The following SLC45A1 variants were observed in gnomAD, a reference collection of about 807,000 sequenced individuals.
The protein encoded by SLC45A1 is proton-associated sugar transporter A.
In SLC45A1, 28 loss-of-function variants were observed where a neutral mutation model predicts 57.6. The ratio of observed to expected loss-of-function variants is 0.49; its 90% CI spans 0.36 to 0.67. The LOEUF (loss-of-function observed/expected upper bound fraction) is 0.67, where lower values mean the gene tolerates loss of function less well. SLC45A1 is among the 30% of genes least tolerant of loss of function. The pLI is 0.00. For synonymous variants in SLC45A1, 459 were observed against 471.5 expected (o/e 0.97, Z 0.34); for missense variants, 814 against 1,041.5 (o/e 0.78, Z 3.01).
In SLC45A1 at chr1:8,330,794, T is replaced by C; in HGVS notation, c.1301T>C (p.Ile434Thr). The C allele has an allele frequency of 6.2e-7, 1 of 1,613,450 alleles. No individual in the cohort carries two copies. The highest frequency in any genetic ancestry group is 1.1e-5 in the South Asian group (1 of 91,082). Residue 434 changes from isoleucine to threonine, a missense_variant, in exon 5 of 9, where the codon ATT (isoleucine) becomes ACT (threonine). By Grantham distance (89) the Ile-to-Thr change is moderately conservative. Transcript: ENST00000471889. The surrounding 1 kb of genome is among the most constrained non-coding windows in gnomAD (Gnocchi z 8.4). ...CTGACCTCCGGCTGTGACGGGGACA[T>C]TCTGAGGGTGGGCTCCTTGGACACC... ...GALTSGCDGD[I>T]LRVGSLDTSK... is the part of the protein sequence containing the mutation.
intron 6 of SLC45A1, 33 bp from the exon 7 acceptor site, chr1:8,337,783 C>T (rs1211931755): frequency 6.3e-7 from 1 of 1,599,402 alleles, no homozygotes; most frequent in Non-Finnish European, 8.5e-7. Context: ...TGGCCTTTGC[C>T]CCCGAGGTCA....
intron 5 of SLC45A1, among the ~76,000 whole-genome samples, chr1:8,332,892 G>A (rs376360993): frequency 2.6e-5 from 4 of 152,180 alleles, no homozygotes; most frequent in East Asian, 3.9e-4. Flanking sequence ...ACCTGTGGGC[G>A]TTGCAGGAGG....
intron 7 of SLC45A1, among the ~76,000 whole-genome samples, chr1:8,339,218 C>A (rs746285951): frequency 6.6e-6 from 1 of 152,208 alleles, no homozygotes; most frequent in African/African-American, 2.4e-5. Context: ...CCTGCAGAAG[C>A]CCTGGGGGAC....
At chr1:8,334,423 C>G (rs1426544538) in intron 5 of SLC45A1, among the ~76,000 whole-genome samples, 1 of 152,154 alleles carries the variant, frequency 6.6e-6, no homozygotes, top group Non-Finnish European at 1.5e-5. Flanking sequence ...GCAGCAACGC[C>G]TCTTTGCTCT....
chr1:8,324,964 G>T (rs766771830), intron 2 of SLC45A1, among the ~76,000 whole-genome samples: 2 of 152,204 alleles, frequency 1.3e-5, no homozygotes, highest in Non-Finnish European at 2.9e-5. Context: ...ACCGTCTGAT[G>T]CCAGGCTCTC....
chr1:8,323,296 T>G (rs968626639), intron 1 of SLC45A1, among the ~76,000 whole-genome samples: 1 of 151,948 alleles, frequency 6.6e-6, no homozygotes. Flanking sequence ...ATAGAGACCA[T>G]CCTGGCCAAC....
chr1:8,322,202 G>T (rs1640042436), intron 1 of SLC45A1, among the ~76,000 whole-genome samples: 1 of 147,650 alleles, frequency 6.8e-6, no homozygotes, highest in Non-Finnish European at 1.5e-5. Flanking sequence ...TGGATGAGTG[G>T]GTGGATGGAT....
At position 8,333,857 on chromosome 1, in the gene SLC45A1, C is replaced by A. The variant is rs138422114; in HGVS notation, c.1444-1580C>A. Among the ~76,000 whole-genome samples, 3 of 152,348 alleles carry A rather than the reference C, an allele frequency of 2.0e-5. No individual in the cohort carries two copies. In the South Asian group the frequency reaches 6.2e-4, roughly 32 times the overall value. On this transcript the variant is annotated intron_variant, in intron 5 of 8. Transcript: ENST00000471889. ...TGAGGAAGGACACTGCCCAGGCATG[C>A]GCAGGCCTCACAGGGACATCTGTTG...
intron 5 of SLC45A1, 68 bp downstream of exon 5, chr1:8,331,004 T>A (rs1640390029): frequency 6.7e-7 from 1 of 1,499,662 alleles, no homozygotes; most frequent in South Asian, 1.3e-5. Context: ...GTCAGTTACA[T>A]GACAAAGAGG....
chr1:8,318,434 C>T (rs547903580), intron 1 of SLC45A1, among the ~76,000 whole-genome samples: 4 of 152,366 alleles, frequency 2.6e-5, no homozygotes, highest in Admixed American at 6.5e-5. Context: ...CTCATCCTTG[C>T]TGGCAAGGGG....
rs746952720 is a variant in SLC45A1, at chr1:8,325,438, C to A, written c.490+48C>A. On this transcript the variant is annotated intron_variant, in intron 3 of 8. Transcript: ENST00000471889. This position sits in a 1 kb window ranked among gnomAD's most constrained non-coding sequence, Gnocchi z 6.3. ...TAAAATGGAGAGGAAAAAAAAAAGG[C>A]CCCAACTGCTTCCTTTTAGGAAAAT... The A allele has an allele frequency of 2.3e-6, 3 of 1,323,412 alleles. No individual in the cohort carries two copies. The highest frequency in any genetic ancestry group is 2.4e-5 in the South Asian group (2 of 81,736). The allele number at this position is 1,323,412 out of a possible 1,614,324, so 82.0% of individuals were successfully genotyped here.
In SLC45A1 at chr1:8,334,289, C is replaced by T. The variant is rs561597828; in HGVS notation, c.1444-1148C>T. Among the ~76,000 whole-genome samples the T allele has an allele frequency of 2.3e-3, 348 of 152,372 alleles. 1 individual carries two copies. Among genetic ancestry groups the T allele is most frequent in the Admixed American group, 3.5e-3 (54 of 15,302 alleles). On this transcript the variant is annotated intron_variant, in intron 5 of 8. Transcript: ENST00000471889. Reference sequence around the variant, plus strand: ...GCGTAACTGCAGCGCTGTTCCTCCGCAGGCATGGGGGACGCGCTCTGCCGA... The same window carrying T: ...GCGTAACTGCAGCGCTGTTCCTCCGTAGGCATGGGGGACGCGCTCTGCCGA...
rs924934663 is a variant in SLC45A1 at position 8,335,257 on chromosome 1, G to A, written c.1444-180G>A. 7.2e-5 allele frequency among the ~76,000 whole-genome samples: 11 copies of A among 152,188 alleles called. No homozygotes were observed. Among genetic ancestry groups the A allele is most frequent in the African/African-American group, 2.4e-4 (10 of 41,444 alleles). On this transcript the variant is annotated intron_variant, in intron 5 of 8. Transcript: ENST00000471889. The surrounding 1 kb of genome is among the most constrained non-coding windows in gnomAD (Gnocchi z 4.1). ...GCTGCTCCGGGGCCTCGGAAACAAT[G>A]CCCTGAATTTGTTCCTCTGAGGTTG... is the stretch of plus-strand genomic sequence containing the variant.
chr1:8,318,872 A>G (rs1234762030), intron 1 of SLC45A1, among the ~76,000 whole-genome samples: 1 of 152,196 alleles, frequency 6.6e-6, no homozygotes, highest in Non-Finnish European at 1.5e-5. Flanking sequence ...CGGAGATGCA[A>G]AGTGGGAAAC....
At chr1:8,324,211 T>C in intron 1 of SLC45A1, 95 bp from the exon 2 acceptor site, 1 of 1,125,480 alleles carries the variant, frequency 8.9e-7, no homozygotes, top group Admixed American at 2.0e-5. Context: ...CGGGGGATGG[T>C]GTTTGACTCT....
Position 8,326,057 on chromosome 1 carries a change from C to A in SLC45A1, c.715+15C>A. ...CCTCCTGGCAGGTGAGTCTCCGCAG[C>A]AGGGCCGAAGCTGAATCTGCCGGGC... On this transcript the variant is annotated intron_variant, in intron 4 of 8. Transcript: ENST00000471889. The surrounding 1 kb of genome is among the most constrained non-coding windows in gnomAD (Gnocchi z 5.5). 6.3e-7 allele frequency: 1 copy of A among 1,593,926 alleles called. No individual in the cohort carries two copies. The highest frequency in any genetic ancestry group is 1.1e-5 in the South Asian group (1 of 90,920).
At chr1:8,324,164 C>A in intron 1 of SLC45A1, 142 bp from the exon 2 acceptor site, 1 of 763,430 alleles carries the variant, frequency 1.3e-6, no homozygotes. Context: ...GAAAGTGAGG[C>A]CCCGGAGCAT....
intron 1 of SLC45A1, among the ~76,000 whole-genome samples, chr1:8,323,289 G>C (rs1414841322): frequency 6.6e-6 from 1 of 152,104 alleles, no homozygotes; most frequent in East Asian, 1.9e-4. Context: ...TCAGGAGATA[G>C]AGACCATCCT....
At chr1:8,341,528 C>T (rs12402088) in intron 8 of SLC45A1, among the ~76,000 whole-genome samples, 64,349 of 141,808 alleles carry the variant, frequency 0.45, 15,909 homozygotes, top group Middle Eastern at 0.66. Flanking sequence ...GAGCGAGACT[C>T]CGTCTCAAAA....
Sources: allele counts gnomAD v4.1 joint callset (sites outside exome capture counted in the v4.1 genomes callset), GRCh38; gene constraint gnomAD v4.1.1; non-coding constraint Gnocchi (gnomAD v3.1); transcripts MANE v1.5; gene names NCBI Gene and HGNC (gene_info 2026-07-23, HGNC 2026-07-21).